NEDD4L: variants seen among roughly 807,000 people sequenced by gnomAD.
NEDD4L encodes the protein E3 ubiquitin-protein ligase NEDD4-like.
In NEDD4L, 54 loss-of-function variants were observed where a neutral mutation model predicts 148.9. That is an observed-to-expected ratio of 0.36 (90% CI 0.29 to 0.45). The LOEUF is 0.45. Ranked by LOEUF, NEDD4L falls within the 20% of genes least tolerant of loss-of-function variation. The pLI, the probability that NEDD4L is intolerant of heterozygous loss-of-function variation, is 1.00. For missense variants in NEDD4L, 856 were observed against 1,233.8 expected, an observed-to-expected ratio of 0.69 and a Z score of 4.59; for synonymous variants, 433 against 440.7, an observed-to-expected ratio of 0.98 and a Z score of 0.22.
intron 7 of NEDD4L, 89 bp from the exon 8 acceptor site, chr18:58,323,143 C>G (rs1670336): frequency 1.3e-6 from 1 of 744,018 alleles, no homozygotes; most frequent in South Asian, 1.6e-5. Flanking sequence ...GCCCTGCGTG[C>G]TGTGGTGGTT....
At position 58,177,050 on chromosome 18, in the gene NEDD4L, G is replaced by A. The variant is rs147457051; in HGVS notation, c.122+11189G>A. ...CCAAAAGTATGAGGCCAGTCCTAGG[G>A]CTGGTGAAGTTTGGATCCCCTGCCT... On this transcript the variant is annotated intron_variant, in intron 2 of 30. Transcript: ENST00000400345. Among the ~76,000 whole-genome samples, 434 of 151,990 alleles carry A rather than the reference G, an allele frequency of 2.9e-3. 2 individuals carry two copies. Among genetic ancestry groups the A allele is most frequent in the Non-Finnish European group, 3.9e-3 (263 of 68,018 alleles).
At chr18:58,127,279 C>T (rs915044182) in intron 1 of NEDD4L, among the ~76,000 whole-genome samples, 1 of 152,198 alleles carries the variant, frequency 6.6e-6, no homozygotes. Context: ...AGTGGCTGCC[C>T]ACAGGACGCT....
chr18:58,352,892 G>A (rs767232081), intron 18 of NEDD4L, among the ~76,000 whole-genome samples: 4 of 152,186 alleles, frequency 2.6e-5, no homozygotes, highest in Non-Finnish European at 5.9e-5. Context: ...ATACCGCAAG[G>A]AGCCAAAAAC....
intron 5 of NEDD4L, among the ~76,000 whole-genome samples, chr18:58,283,756 C>A (rs1191739555): frequency 1.3e-5 from 2 of 152,098 alleles, no homozygotes; most frequent in African/African-American, 4.8e-5. Flanking sequence ...AATTGTGTCC[C>A]CCCAAAAAGA....
In NEDD4L at chr18:58,396,524, T is replaced by G. The variant is rs1462559426; in HGVS notation, c.*255T>G. 1 of 333,706 alleles carries G rather than the reference T, an allele frequency of 3.0e-6. No individual in the cohort carries two copies. Among genetic ancestry groups the G allele is most frequent in the Admixed American group, 4.4e-5 (1 of 22,514 alleles). The allele number at this position is 333,706 out of a possible 1,614,324, so 20.7% of individuals were successfully genotyped here. On this transcript the variant is annotated 3_prime_UTR_variant, in exon 31 of 31. Transcript: ENST00000400345. ...ACATTTCAGGAGGACTTAATGCTAT[T>G]TATGTTGTGCCTCTGCAGGCAAAGC...
chr18:58,285,150 G>T (rs2053699265), intron 5 of NEDD4L, among the ~76,000 whole-genome samples: 1 of 152,164 alleles, frequency 6.6e-6, no homozygotes, highest in Non-Finnish European at 1.5e-5. Context: ...TTTCCCAAAT[G>T]AAGTACTTCC....
chr18:58,141,149 T>A (rs1334531885), intron 1 of NEDD4L, among the ~76,000 whole-genome samples: 4 of 152,220 alleles, frequency 2.6e-5, no homozygotes, highest in Non-Finnish European at 5.9e-5. Context: ...ACGGGGTGGC[T>A]GCCCTGGTTC....
intron 5 of NEDD4L, among the ~76,000 whole-genome samples, chr18:58,301,797 C>G (rs979350094): frequency 6.6e-6 from 1 of 152,136 alleles, no homozygotes; most frequent in African/African-American, 2.4e-5. Flanking sequence ...ATGCAGAATA[C>G]CCATTAATGT....
At chr18:58,270,633 A>T (rs1444862865) in intron 5 of NEDD4L, among the ~76,000 whole-genome samples, 1 of 152,188 alleles carries the variant, frequency 6.6e-6, no homozygotes, top group Non-Finnish European at 1.5e-5. Context: ...GTCTGGGCCT[A>T]GTAAGGTATA....
intron 20 of NEDD4L, among the ~76,000 whole-genome samples, chr18:58,365,595 G>C (rs2046013962): frequency 6.6e-6 from 1 of 152,196 alleles, no homozygotes; most frequent in Admixed American, 6.5e-5. Flanking sequence ...GTTGAGCATG[G>C]ATAGGCCCAA....
At chr18:58,169,277 A>T (rs1449176128) in intron 2 of NEDD4L, among the ~76,000 whole-genome samples, 2 of 152,232 alleles carry the variant, frequency 1.3e-5, no homozygotes, top group African/African-American at 4.8e-5. Context: ...ACTCCACTTG[A>T]ACATCTGAGC....
intron 1 of NEDD4L, among the ~76,000 whole-genome samples, chr18:58,120,979 A>G (rs1405950500): frequency 6.6e-6 from 1 of 151,934 alleles, no homozygotes; most frequent in African/African-American, 2.4e-5. Context: ...TTTTAGATTT[A>G]TAATAATTAA....
intron 1 of NEDD4L, chr18:58,047,296 T>G: frequency 1.0e-6 from 1 of 984,586 alleles, no homozygotes. Context: ...CCTACCACAT[T>G]TCTTAAAAGT....
chr18:58,228,594 GT>G (rs2044660702), intron 2 of NEDD4L, among the ~76,000 whole-genome samples: 2 of 152,248 alleles, frequency 1.3e-5, no homozygotes, highest in Admixed American at 6.5e-5. Context: ...AAAAGGCGAG[GT>G]TGGGACTTTC....
chr18:58,168,773 C>T (rs995369808), intron 2 of NEDD4L, among the ~76,000 whole-genome samples: 34 of 152,212 alleles, frequency 2.2e-4, no homozygotes, highest in African/African-American at 8.2e-4. Flanking sequence ...TCATGAGAGG[C>T]ATTTCAGAGC....
At chr18:58,241,370 C>G (rs1244066730) in intron 2 of NEDD4L, among the ~76,000 whole-genome samples, 1 of 152,204 alleles carries the variant, frequency 6.6e-6, no homozygotes. Context: ...TCCCTGAGCC[C>G]TCCTGACTGC....
At chr18:58,049,959 G>T (rs2081782772) in intron 1 of NEDD4L, among the ~76,000 whole-genome samples, 1 of 120,942 alleles carries the variant, frequency 8.3e-6, no homozygotes, top group South Asian at 2.9e-4. Context: ...CTGGGCGACA[G>T]AGTGAGACCC....
chr18:58,080,751 A>G (rs1043091675), intron 1 of NEDD4L, among the ~76,000 whole-genome samples: 1 of 152,176 alleles, frequency 6.6e-6, no homozygotes, highest in African/African-American at 2.4e-5. Flanking sequence ...GACAAAAGAA[A>G]GCCATCATTT....
chr18:58,243,100 T>A (rs1216037023), intron 2 of NEDD4L, among the ~76,000 whole-genome samples: 1 of 152,232 alleles, frequency 6.6e-6, no homozygotes, highest in African/African-American at 2.4e-5. Context: ...CTGAGGTAAA[T>A]GAACCACCAG....
Sources: gnomAD v4.1 joint callset for allele counts (sites outside exome capture counted in the v4.1 genomes callset) on GRCh38, gnomAD v4.1.1 for gene constraint, MANE v1.5 for transcripts, NCBI Gene and HGNC (gene_info 2026-07-23, HGNC 2026-07-21) for gene names.